The following CNTLN variants were observed in gnomAD, a reference collection of about 807,000 sequenced individuals.
CNTLN encodes the protein centlein, centrosomal protein.
A neutral mutation model predicts 180.0 loss-of-function variants in CNTLN; 212 were observed. The ratio of observed to expected loss-of-function variants is 1.18; its 90% CI spans 1.05 to 1.32. The LOEUF (loss-of-function observed/expected upper bound fraction) is 1.32. Ranked by LOEUF, CNTLN falls within the 40% of genes most tolerant of loss-of-function variation. The pLI is 0.00. For missense variants in CNTLN, 2,095 were observed against 1,610.9 expected (o/e 1.30, Z -5.14); for synonymous variants, 722 against 563.1 (o/e 1.28, Z -3.99).
intron 13 of CNTLN, among the ~76,000 whole-genome samples, chr9:17,369,860 G>A (rs1824156170): frequency 6.6e-6 from 1 of 151,866 alleles, no homozygotes; most frequent in South Asian, 2.1e-4. Flanking sequence ...GGTGGCACAT[G>A]CCGGTGATCC....
At chr9:17,475,233 C>G (rs1199676075) in intron 23 of CNTLN, among the ~76,000 whole-genome samples, 1 of 151,986 alleles carries the variant, frequency 6.6e-6, no homozygotes, top group South Asian at 2.1e-4. Context: ...AACCTGTAAG[C>G]TGGTTAAATC....
chr9:17,193,583 G>A (rs574960248), intron 2 of CNTLN, among the ~76,000 whole-genome samples: 65 of 152,284 alleles, frequency 4.3e-4, no homozygotes, highest in Non-Finnish European at 9.0e-4. Context: ...CCATGGTCTT[G>A]GGCAGCTCTG....
chr9:17,361,599 A>G (rs7022060), intron 12 of CNTLN, among the ~76,000 whole-genome samples: 76,935 of 152,106 alleles, frequency 0.51, 20,695 homozygotes, highest in Non-Finnish European at 0.6. Context: ...GCTTTTTTCC[A>G]CTGTAGATTC....
chr9:17,306,391 C>T (rs910142193), intron 7 of CNTLN, among the ~76,000 whole-genome samples: 10 of 152,094 alleles, frequency 6.6e-5, no homozygotes, highest in Non-Finnish European at 1.0e-4. Context: ...TCAGGTGATC[C>T]GCCAGCCTCG....
intron 2 of CNTLN, among the ~76,000 whole-genome samples, chr9:17,177,067 G>A (rs543202029): frequency 2.2e-4 from 33 of 151,964 alleles, no homozygotes; most frequent in Admixed American, 8.5e-4. Context: ...CTATTATGTT[G>A]ATTTCTGCTT....
intron 5 of CNTLN, among the ~76,000 whole-genome samples, chr9:17,271,798 C>T (rs747258688): frequency 2.2e-4 from 34 of 152,178 alleles, no homozygotes; most frequent in Admixed American, 5.2e-4. Flanking sequence ...TCTGTTATTA[C>T]TTATCAAGCC....
At chr9:17,282,421 C>T (rs988039875) in intron 6 of CNTLN, among the ~76,000 whole-genome samples, 1 of 152,116 alleles carries the variant, frequency 6.6e-6, no homozygotes, top group African/African-American at 2.4e-5. Flanking sequence ...CCTTTGCCCA[C>T]TTTTTAAATG....
chr9:17,266,608 T>A (rs899870751), intron 5 of CNTLN, among the ~76,000 whole-genome samples: 2 of 152,286 alleles, frequency 1.3e-5, no homozygotes, highest in Non-Finnish European at 2.9e-5. Context: ...ACTTTCTGTC[T>A]CGTTGATCTG....
rs114980481 is a variant in CNTLN, at chr9:17,422,459, A to G, written c.3114+6270A>G. Among the ~76,000 whole-genome samples, 1,090 of 152,252 alleles carry G rather than the reference A, an allele frequency of 7.2e-3. 12 individuals carry two copies. Among genetic ancestry groups the G allele is most frequent in the African/African-American group, 0.024 (1,011 of 41,556 alleles). On this transcript the variant is annotated intron_variant, in intron 18 of 25. Transcript: ENST00000380647. ...TAAATAGCCCATCTTTAAGCTCACTAGTCTTTCTTCTCCTTGATCAAGTCT... is the reference window on the plus strand; with the variant it reads ...TAAATAGCCCATCTTTAAGCTCACTGGTCTTTCTTCTCCTTGATCAAGTCT...
At chr9:17,302,060 C>T in intron 7 of CNTLN, 2 of 983,244 alleles carry the variant, frequency 2.0e-6, no homozygotes, top group Non-Finnish European at 2.4e-6. Flanking sequence ...TATTACTATT[C>T]ATTATAGTGT....
At chr9:17,375,727 T>C (rs1233331193) in intron 13 of CNTLN, among the ~76,000 whole-genome samples, 1 of 152,136 alleles carries the variant, frequency 6.6e-6, no homozygotes, top group Non-Finnish European at 1.5e-5. Context: ...GGAATCAAAA[T>C]CTTAGAGTTA....
the CNTLN span, among the ~76,000 whole-genome samples, chr9:17,510,396 G>C: frequency 6.6e-6 from 1 of 152,166 alleles, no homozygotes; most frequent in Non-Finnish European, 1.5e-5. Context: ...CAGTTGACAA[G>C]GGTGGACTTG....
intron 18 of CNTLN, among the ~76,000 whole-genome samples, chr9:17,425,681 G>A (rs1248690711): frequency 6.6e-6 from 1 of 152,146 alleles, no homozygotes; most frequent in Non-Finnish European, 1.5e-5. Context: ...GTTTCACATG[G>A]AAATGAGGAA....
chr9:17,262,006 A>G (rs1827025097), intron 5 of CNTLN, among the ~76,000 whole-genome samples: 1 of 151,642 alleles, frequency 6.6e-6, no homozygotes, highest in Non-Finnish European at 1.5e-5. Flanking sequence ...AGAGAAATGC[A>G]TATCAAAACC....
In CNTLN at chr9:17,474,806, C is replaced by T. The variant is rs1467893503; in HGVS notation, c.3855+7915C>T. ...TTGCTTGAACCTGGGAGGCGGAGGT[C>T]GCAGTGAGCCAAGATCGCGCCACTG... On this transcript the variant is annotated intron_variant, in intron 23 of 25. Coordinates refer to ENST00000380647, the MANE Select transcript of CNTLN (RefSeq NM_017738.4). 4.6e-5 allele frequency among the ~76,000 whole-genome samples: 7 copies of T among 150,764 alleles called. No homozygotes were observed. The East Asian group carries it at 5.9e-4, about 13-fold the overall frequency.
At chr9:17,193,917 A>C (rs889589640) in intron 2 of CNTLN, among the ~76,000 whole-genome samples, 1 of 152,186 alleles carries the variant, frequency 6.6e-6, no homozygotes, top group South Asian at 2.1e-4. Flanking sequence ...CCAAACCCCA[A>C]TTCTTGACTT....
intron 2 of CNTLN, among the ~76,000 whole-genome samples, chr9:17,217,963 A>T (rs934868940): frequency 3.3e-5 from 5 of 152,166 alleles, no homozygotes; most frequent in Non-Finnish European, 7.4e-5. Flanking sequence ...TAATATAAGC[A>T]GATGTGTTCT....
chr9:17,271,153 T>C (rs1471702138), intron 5 of CNTLN, among the ~76,000 whole-genome samples: 5 of 151,996 alleles, frequency 3.3e-5, no homozygotes, highest in Non-Finnish European at 7.4e-5. Context: ...GGTTTCACCA[T>C]GTTAGCCTCG....
At position 17,501,548 on chromosome 9, in the gene CNTLN, T is replaced by C. The variant is rs572404087; in HGVS notation, c.4120-1003T>C. ...TAGCTGAGGACCCAGACAAAGGCCG[T>C]TAGGCCATCTTGGGTCAGATGCCGA... is the stretch of plus-strand genomic sequence containing the variant. On this transcript the variant is annotated intron_variant, in intron 25 of 25. Transcript: ENST00000380647. Among the ~76,000 whole-genome samples, 9 of 152,360 alleles carry C rather than the reference T, an allele frequency of 5.9e-5. No individual in the cohort carries two copies. The South Asian group carries it at 1.9e-3, about 32-fold the overall frequency.
Sources: gnomAD v4.1 joint callset for allele counts (sites outside exome capture counted in the v4.1 genomes callset) on GRCh38, gnomAD v4.1.1 for gene constraint, MANE v1.5 for transcripts, NCBI Gene and HGNC (gene_info 2026-07-23, HGNC 2026-07-21) for gene names.